Variants in ZNF510 observed in about 807,000 individuals in gnomAD.
The protein encoded by ZNF510 is zinc finger protein 510.
ZNF510 carries 15 observed loss-of-function variants against 18.1 expected under a neutral mutation model. That is an observed-to-expected ratio of 0.83 (90% CI 0.55 to 1.28). The LOEUF (loss-of-function observed/expected upper bound fraction) is 1.28, where lower values mean the gene tolerates loss of function less well. Among genes scored for constraint, ZNF510 ranks in the 50% most tolerant of loss-of-function variants. ZNF510 has a pLI of 0.00. For synonymous variants in ZNF510, 261 were observed against 266.4 expected, an observed-to-expected ratio of 0.98 and a Z score of 0.20; for missense variants, 724 against 791.8, an observed-to-expected ratio of 0.91 and a Z score of 1.03.
chr9:96,774,960 C>CA (rs1849659609), intron 2 of ZNF510, 114 bp from the exon 3 acceptor site: 1 of 801,730 alleles, frequency 1.2e-6, no homozygotes, highest in Non-Finnish European at 2.1e-6. Context: ...GTTCCTTTGA[C>CA]CTTTGAGAAG....
At chr9:96,775,457 T>C (rs1175494523) in intron 2 of ZNF510, among the ~76,000 whole-genome samples, 2 of 152,176 alleles carry the variant, frequency 1.3e-5, no homozygotes, top group African/African-American at 2.4e-5. Flanking sequence ...GAATTAACAT[T>C]AATATTCTGT....
chr9:96,761,649 T>C (rs1189906082), intron 5 of ZNF510, among the ~76,000 whole-genome samples: 2 of 149,974 alleles, frequency 1.3e-5, no homozygotes, highest in African/African-American at 5.1e-5. Flanking sequence ...TTTCCTTGAT[T>C]TTCTTCATAG....
At chr9:96,771,352 TAACA>T (rs1477267864) in intron 3 of ZNF510, among the ~76,000 whole-genome samples, 1 of 151,494 alleles carries the variant, frequency 6.6e-6, no homozygotes, top group African/African-American at 2.4e-5. Flanking sequence ...TTCAGCTCTT[TAACA>T]GACTAAAGGA....
At chr9:96,773,687 T>G (rs1489640008) in intron 3 of ZNF510, among the ~76,000 whole-genome samples, 1 of 152,086 alleles carries the variant, frequency 6.6e-6, no homozygotes, top group Non-Finnish European at 1.5e-5. Context: ...GCAATTCTCC[T>G]GCCTCAGCCT....
At chr9:96,773,080 C>T (rs1294240917) in intron 3 of ZNF510, among the ~76,000 whole-genome samples, 1 of 152,168 alleles carries the variant, frequency 6.6e-6, no homozygotes, top group African/African-American at 2.4e-5. Flanking sequence ...CCCTTGAAAA[C>T]TGTAAAAGAA....
intron 1 of ZNF510, 58 bp from the exon 2 acceptor site, chr9:96,776,303 A>C (rs962107865): frequency 3.2e-6 from 2 of 634,766 alleles, no homozygotes; most frequent in East Asian, 7.4e-5. Context: ...CTGGGTAACA[A>C]ATTTATTTTA....
At chr9:96,763,470 T>C in intron 4 of ZNF510, 36 bp downstream of exon 4, 2 of 1,569,440 alleles carry the variant, frequency 1.3e-6, no homozygotes, top group Non-Finnish European at 1.7e-6. Flanking sequence ...ACCTTCTATA[T>C]GGAGTTACAA....
chr9:96,770,763 GCTAA>G (rs138943665), intron 3 of ZNF510, among the ~76,000 whole-genome samples: 8,995 of 152,108 alleles, frequency 0.059, 866 homozygotes, highest in African/African-American at 0.2. Flanking sequence ...GGGGATGATA[GCTAA>G]ATGATATGGA....
chr9:96,776,469 T>C (rs896140915), intron 1 of ZNF510, among the ~76,000 whole-genome samples: 2 of 152,086 alleles, frequency 1.3e-5, no homozygotes, highest in African/African-American at 4.8e-5. Flanking sequence ...CTTCTCCCTG[T>C]TGTGACAATC....
rs1849697487 is a variant in ZNF510, at chr9:96,776,099, G to C, written c.-30C>G. 6.3e-7 allele frequency: 1 copy of C among 1,582,122 alleles called. No individual in the cohort carries two copies. On this transcript the variant is annotated 5_prime_UTR_variant, in exon 2 of 6. The change creates a new upstream start codon in the 5' untranslated region. Transcript: ENST00000223428. ...AAGTCTGGTGCTCTCTGGGCAAGGG[G>C]ATGAAGAAGTGCCGCTGGTTGGGCA...
In ZNF510 at chr9:96,758,066, TTAAAG is replaced by T. The variant is rs1242576948; in HGVS notation, c.*707_*711del. On this transcript the variant is annotated 3_prime_UTR_variant, in exon 6 of 6. Transcript: ENST00000223428. ...TTATTTCTGGATCCATTTAATAACT[TTAAAG>T]TACAGTTGACCATGGTTAATGGAAA... 1 of 152,208 alleles carries T rather than the reference TTAAAG, an allele frequency of 6.6e-6. No homozygotes were observed. The highest frequency in any genetic ancestry group is 1.5e-5 in the Non-Finnish European group (1 of 68,026). The allele number at this position is 152,208 out of a possible 1,614,324, so 9.4% of individuals were successfully genotyped here.
At chr9:96,763,436 T>A (rs541871170) in intron 4 of ZNF510, 70 bp downstream of exon 4, 2 of 1,508,192 alleles carry the variant, frequency 1.3e-6, no homozygotes, top group Admixed American at 2.2e-5. Context: ...ATTGTTCACA[T>A]GTATTGGCAC....
chr9:96,761,901 T>C lies in ZNF510; in HGVS notation c.352+1217A>G, dbSNP rs532639666. On this transcript the variant is annotated intron_variant, in intron 5 of 5. Coordinates refer to ENST00000223428, the MANE Select transcript of ZNF510 (RefSeq NM_014930.3). Reference sequence around the variant, plus strand: ...CAATACTTCCATTAATATTCTTTTATGTATTCCAGAGAACATAATCATATC... The same window carrying C: ...CAATACTTCCATTAATATTCTTTTACGTATTCCAGAGAACATAATCATATC... 3.3e-5 allele frequency among the ~76,000 whole-genome samples: 5 copies of C among 152,314 alleles called. No homozygotes were observed. The South Asian group carries it at 1.0e-3, about 32-fold the overall frequency.
intron 3 of ZNF510, among the ~76,000 whole-genome samples, chr9:96,773,563 C>T (rs1849626713): frequency 6.6e-6 from 1 of 151,458 alleles, no homozygotes; most frequent in African/African-American, 2.4e-5. Context: ...CAGAAGGAAC[C>T]AAACCTGTTG....
In ZNF510 at chr9:96,758,711, G is replaced by T. The variant is rs879099157; in HGVS notation, c.*67C>A. ...TTCTTACATTCACTACCCTCAATTG[G>T]TTTTTTGTGTATCTCTGATATCAAA... On this transcript the variant is annotated 3_prime_UTR_variant, in exon 6 of 6. Coordinates refer to ENST00000223428, the MANE Select transcript of ZNF510 (RefSeq NM_014930.3). 2.7e-6 allele frequency: 4 copies of T among 1,484,298 alleles called. No homozygotes were observed. The highest frequency in any genetic ancestry group is 2.9e-5 in the South Asian group (2 of 69,820). The allele number at this position is 1,484,298 out of a possible 1,614,324, so 91.9% of individuals were successfully genotyped here. A position where few individuals can be genotyped will look rare whatever the true frequency, so the allele number is the denominator to read the frequency against.
At chr9:96,761,407 T>C (rs912537715) in intron 5 of ZNF510, among the ~76,000 whole-genome samples, 4 of 152,236 alleles carry the variant, frequency 2.6e-5, no homozygotes, top group Non-Finnish European at 5.9e-5. Flanking sequence ...ACTTCTCGCT[T>C]ACCTCTTAAC....
chr9:96,760,007 A>C lies in ZNF510; in HGVS notation c.823T>G (p.Ser275Ala). 6.2e-7 allele frequency: 1 copy of C among 1,613,104 alleles called. No individual in the cohort carries two copies. Among genetic ancestry groups the C allele is most frequent in the Non-Finnish European group, 8.5e-7 (1 of 1,179,936 alleles). The change falls in exon 6 of 6, where the codon TCT (serine) becomes GCT (alanine). Residue 275 changes from serine to alanine, a missense_variant. Physicochemically the swap from Ser to Ala is moderately conservative, Grantham distance 99. Coordinates refer to ENST00000223428, the MANE Select transcript of ZNF510 (RefSeq NM_014930.3). ...DKANCVKHNS[S>A]HTGETSSKDD... ...TTAGAGGATGTTTCTCCTGTGTGAGAACTGTTATGTTTAACACAGTTAGCC... is the reference window on the plus strand; with the variant it reads ...TTAGAGGATGTTTCTCCTGTGTGAGCACTGTTATGTTTAACACAGTTAGCC...
intron 3 of ZNF510, among the ~76,000 whole-genome samples, chr9:96,774,302 C>T (rs1478369023): frequency 2.0e-5 from 3 of 149,212 alleles, no homozygotes; most frequent in Non-Finnish European, 4.4e-5. Context: ...ACCTGAAAAA[C>T]TGTATTAATA....
intron 3 of ZNF510, among the ~76,000 whole-genome samples, chr9:96,773,650 A>G (rs1415106686): frequency 6.6e-6 from 1 of 151,458 alleles, no homozygotes; most frequent in Non-Finnish European, 1.5e-5. Flanking sequence ...ATCTCAGCTC[A>G]CTGCAGCCTC....
Sources: allele counts gnomAD v4.1 joint callset (sites outside exome capture counted in the v4.1 genomes callset), GRCh38; gene constraint gnomAD v4.1.1; transcripts MANE v1.5; gene names NCBI Gene and HGNC (gene_info 2026-07-23, HGNC 2026-07-21).